Variants in ABCA3 observed in about 807,000 individuals in gnomAD.
ABCA3 encodes the protein phospholipid-transporting ATPase ABCA3.
Under a neutral mutation model 172.8 loss-of-function variants are expected in ABCA3, and 88 were observed. The ratio of observed to expected loss-of-function variants is 0.51; its 90% CI spans 0.43 to 0.61. The LOEUF is 0.61. Among genes scored for constraint, ABCA3 ranks in the 20% least tolerant of loss-of-function variants. ABCA3 has a pLI of 0.00. For synonymous variants in ABCA3, 1,066 were observed against 983.8 expected (o/e 1.08, Z -1.56); for missense variants, 2,164 against 2,301.0 (o/e 0.94, Z 1.22).
At chr16:2,280,567 G>T (rs2093653485) in intron 28 of ABCA3, among the ~76,000 whole-genome samples, 1 of 152,172 alleles carries the variant, frequency 6.6e-6, no homozygotes, top group Admixed American at 6.5e-5. Flanking sequence ...CCCCTGCTCT[G>T]CTTGGCACAC....
At chr16:2,318,757 C>T (rs2093720757) in intron 8 of ABCA3, among the ~76,000 whole-genome samples, 1 of 152,104 alleles carries the variant, frequency 6.6e-6, no homozygotes, top group Non-Finnish European at 1.5e-5. Flanking sequence ...AAGTGATCCG[C>T]CCACCTCGAC....
At chr16:2,312,601 C>A (rs1258350875) in intron 10 of ABCA3, among the ~76,000 whole-genome samples, 1 of 151,524 alleles carries the variant, frequency 6.6e-6, no homozygotes, top group African/African-American at 2.4e-5. Flanking sequence ...CAGTCTCAGC[C>A]CACTGCAACC....
Position 2,326,444 on chromosome 16 carries a change from G to A in ABCA3, c.23C>T (p.Ala8Val), listed in dbSNP as rs755333350. Residue 8 changes from alanine (A) to valine (V), a missense_variant, in exon 4 of 33, where the codon GCG becomes GTG. By Grantham distance (64) the Ala-to-Val change is moderately conservative (BLOSUM62 0). This residue lies in a region of ABCA3 where 1,343 missense variants were observed against 1,369.6 expected (regional missense o/e 0.98). Coordinates refer to ENST00000301732, the MANE Select transcript of ABCA3 (RefSeq NM_001089.3). Reference protein sequence around the residue: MAVLRQLALLLWKNYTLQ... With the variant: MAVLRQLVLLLWKNYTLQ... The stretch of plus-strand genomic sequence containing the variant: ...GGTGTAGTTCTTCCAGAGGAGGAGC[G>A]CCAGCTGCCTGAGCACAGCCATCGT... 22 of 1,612,232 alleles carry A rather than the reference G, an allele frequency of 1.4e-5. No individual in the cohort carries two copies. The highest frequency in any genetic ancestry group is 4.4e-5 in the South Asian group (4 of 90,788).
rs184473014 is a variant in ABCA3, at chr16:2,322,390, T to A, written c.613+1133A>T. Among the ~76,000 whole-genome samples, 1,187 of 152,000 alleles carry A rather than the reference T, an allele frequency of 7.8e-3. 20 individuals are homozygous for A. Among genetic ancestry groups the A allele is most frequent in the African/African-American group, 0.027 (1,123 of 41,458 alleles). ...AAAAGTATTTCTTTCTTTTTTTTTTTAATTATACTTTAAGTTTTAGGGTAC... is the reference window on the plus strand; with the variant it reads ...AAAAGTATTTCTTTCTTTTTTTTTTAAATTATACTTTAAGTTTTAGGGTAC... On this transcript the variant is annotated intron_variant, in intron 7 of 32. Transcript: ENST00000301732.
intron 7 of ABCA3, among the ~76,000 whole-genome samples, chr16:2,321,362 T>A (rs952847554): frequency 5.9e-5 from 9 of 152,234 alleles, no homozygotes; most frequent in Admixed American, 5.9e-4. Context: ...ATTAGCCTGG[T>A]GACAGCCCTG....
intron 5 of ABCA3, 127 bp from the exon 6 acceptor site, chr16:2,324,658 G>C: frequency 2.2e-6 from 3 of 1,385,574 alleles, no homozygotes; most frequent in Admixed American, 4.1e-5. Context: ...CCCTTCCTGA[G>C]ACTCAAGGCA....
chr16:2,327,226 C>A (rs1203184715), intron 3 of ABCA3, among the ~76,000 whole-genome samples: 2 of 152,064 alleles, frequency 1.3e-5, no homozygotes, highest in African/African-American at 4.8e-5. Context: ...GATCCTCCCA[C>A]CTCAGCCTCC....
intron 11 of ABCA3, among the ~76,000 whole-genome samples, chr16:2,305,831 A>G (rs139410362): frequency 1.3e-5 from 2 of 151,836 alleles, no homozygotes; most frequent in Non-Finnish European, 2.9e-5. Context: ...TGCCTCGGCC[A>G]TAAGTCTTTT....
Position 2,288,012 on chromosome 16 carries a change from G to A in ABCA3, c.3004+14C>T, listed in dbSNP as rs758660922. On this transcript the variant is annotated intron_variant, in intron 21 of 32. Transcript: ENST00000301732. ...CCCCCGATGCCCCCGTCCCGCCCCCGGGATGCCCCTTACCGAGCACCTCGC... is the reference window on the plus strand; with the variant it reads ...CCCCCGATGCCCCCGTCCCGCCCCCAGGATGCCCCTTACCGAGCACCTCGC... The A allele has an allele frequency of 8.1e-6, 13 of 1,601,172 alleles. No homozygotes were observed. Among genetic ancestry groups the A allele is most frequent in the Middle Eastern group, 3.9e-4 (2 of 5,122 alleles).
At chr16:2,316,472 C>T (rs528949157) in intron 10 of ABCA3, among the ~76,000 whole-genome samples, 5 of 122,012 alleles carry the variant, frequency 4.1e-5, no homozygotes, top group African/African-American at 6.3e-5. Context: ...TGGCAAAACC[C>T]CGTCTCTACT....
chr16:2,323,217 C>T, intron 7 of ABCA3: 1 of 473,940 alleles, frequency 2.1e-6, no homozygotes, highest in Non-Finnish European at 3.9e-6. Context: ...GGACTGTAAA[C>T]TAGTTCAACC....
chr16:2,301,921 C>T (rs968947847), intron 12 of ABCA3, among the ~76,000 whole-genome samples: 1 of 152,210 alleles, frequency 6.6e-6, no homozygotes, highest in African/African-American at 2.4e-5. Context: ...TCCATAATGG[C>T]CATAACACCC....
chr16:2,305,866 C>T (rs1036817339), intron 11 of ABCA3, among the ~76,000 whole-genome samples: 4 of 151,682 alleles, frequency 2.6e-5, no homozygotes, highest in African/African-American at 9.7e-5. Context: ...ATTTCAAACA[C>T]GTGTAAAGCT....
At position 2,304,198 on chromosome 16, in the gene ABCA3, G is replaced by A. The variant is rs764713147; in HGVS notation, c.1286-48C>T. On this transcript the variant is annotated intron_variant, in intron 11 of 32. Coordinates refer to ENST00000301732, the MANE Select transcript of ABCA3 (RefSeq NM_001089.3). Reference sequence around the variant, plus strand: ...GGCCCGAAAGCCAGCAGGCTGGGGGGCCCAGGGACCCGAAGCCCCTGATGG... The same window carrying A: ...GGCCCGAAAGCCAGCAGGCTGGGGGACCCAGGGACCCGAAGCCCCTGATGG... 5.0e-6 allele frequency: 8 copies of A among 1,609,728 alleles called. No individual in the cohort carries two copies. In the African/African-American group the frequency reaches 8.0e-5, roughly 16 times the overall value.
chr16:2,305,230 T>C (rs1353572817), intron 11 of ABCA3, among the ~76,000 whole-genome samples: 1 of 151,960 alleles, frequency 6.6e-6, no homozygotes, highest in African/African-American at 2.4e-5. Flanking sequence ...GCCTCTGGGG[T>C]TTGAATGATT....
At position 2,288,226 on chromosome 16, in the gene ABCA3, G is replaced by A. The variant is rs1294139426; in HGVS notation, c.2804C>T (p.Thr935Ile). ...MVAAQVLVPLTCVTLALLAIN... is the reference protein window; with the variant it reads ...MVAAQVLVPLICVTLALLAIN... ...GGCCAGGAGGGCCAGGGTGACGCAG[G>A]TCAGAGGCACCAGGACCTGTGCCGC... The change falls in exon 21 of 33, where the codon ACC (threonine) becomes ATC (isoleucine). Residue 935 changes from threonine to isoleucine, a missense_variant. Physicochemically the swap from Thr to Ile is moderately conservative, Grantham distance 89. Transcript: ENST00000301732. The A allele has an allele frequency of 6.3e-7, 1 of 1,597,072 alleles. No individual in the cohort carries two copies. Among genetic ancestry groups the A allele is most frequent in the Admixed American group, 1.7e-5 (1 of 57,484 alleles).
Position 2,278,512 on chromosome 16 carries a change from T to TCCCATGTCCCAGTGGAGG in ABCA3, c.4548-72_4548-55dup. The TCCCATGTCCCAGTGGAGG allele has an allele frequency of 6.3e-7, 1 of 1,595,746 alleles. No individual in the cohort carries two copies. The highest frequency in any genetic ancestry group is 8.5e-7 in the Non-Finnish European group (1 of 1,174,656). On this transcript the variant is annotated intron_variant, in intron 29 of 32. Transcript: ENST00000301732. This position sits in a 1 kb window ranked among gnomAD's most constrained non-coding sequence, Gnocchi z 4.4. Reference sequence around the variant, plus strand: ...AATAAGGCTGAGAGTTAGCATTGGCTCCCATGTCCCAGTGGAGGCCCGTGT... The same window carrying TCCCATGTCCCAGTGGAGG: ...AATAAGGCTGAGAGTTAGCATTGGCTCCCATGTCCCAGTGGAGGCCCATGTCCCAGTGGAGGCCCGTGT...
intron 19 of ABCA3, among the ~76,000 whole-genome samples, chr16:2,290,822 C>T (rs1440525137): frequency 2.6e-5 from 4 of 152,190 alleles, no homozygotes; most frequent in Admixed American, 6.5e-5. Context: ...CCTATTCTGT[C>T]GCCTCCTCTA....
At position 2,286,614 on chromosome 16, in the gene ABCA3, C is replaced by A; in HGVS notation, c.3278+80G>T. ...TGGGAGGGCAGACACAATGCTCTATCTATGGGCCCGTGGCAGTGCCCAGGG... is the reference window on the plus strand; with the variant it reads ...TGGGAGGGCAGACACAATGCTCTATATATGGGCCCGTGGCAGTGCCCAGGG... On this transcript the variant is annotated intron_variant, in intron 22 of 32. Coordinates refer to ENST00000301732, the MANE Select transcript of ABCA3 (RefSeq NM_001089.3). The surrounding 1 kb of genome is among the most constrained non-coding windows in gnomAD (Gnocchi z 5.2). The A allele has an allele frequency of 1.3e-6, 2 of 1,576,532 alleles. No individual in the cohort carries two copies. The highest frequency in any genetic ancestry group is 1.7e-6 in the Non-Finnish European group (2 of 1,156,602).
Sources: gnomAD v4.1 joint callset for allele counts (sites outside exome capture counted in the v4.1 genomes callset) on GRCh38, gnomAD v4.1.1 for gene constraint, gnomAD v4.1.1 regional missense constraint, Gnocchi (gnomAD v3.1) non-coding constraint, MANE v1.5 for transcripts, NCBI Gene and HGNC (gene_info 2026-07-23, HGNC 2026-07-21) for gene names.